Variants in AP5Z1 observed in about 807,000 individuals in gnomAD.
AP5Z1 encodes AP-5 complex subunit zeta-1.
Under a neutral mutation model 83.0 loss-of-function variants are expected in AP5Z1, and 106 were observed. That is an observed-to-expected ratio of 1.28 (90% confidence interval 1.09 to 1.50). The LOEUF (loss-of-function observed/expected upper bound fraction) is 1.50. AP5Z1 is among the 40% of genes most tolerant of loss of function. The pLI is 0.00. For missense variants in AP5Z1, 1,565 were observed against 1,094.2 expected, an observed-to-expected ratio of 1.43 and a Z score of -6.07; for synonymous variants, 751 against 514.1, an observed-to-expected ratio of 1.46 and a Z score of -6.23.
At chr7:4,783,282 C>T in intron 3 of AP5Z1, 34 bp from the exon 4 acceptor site, 2 of 1,563,544 alleles carry the variant, frequency 1.3e-6, no homozygotes, top group Non-Finnish European at 1.7e-6. Context: ...TGGCACAGGC[C>T]AGTACCCCAG....
At position 4,789,846 on chromosome 7, in the gene AP5Z1, C is replaced by T. The variant is rs1583240413; in HGVS notation, c.1722C>T (p.Ser574=). Residue 574 remains serine (S), a synonymous_variant, in exon 14 of 17, where the codon TCC becomes TCT. Transcript: ENST00000649063. Reference sequence around the variant, plus strand: ...CTGACCCCCAGGTGGCTGACGGGTCCCTGATCAACCAGCTGGCGCTGCTGC... The same window carrying T: ...CTGACCCCCAGGTGGCTGACGGGTCTCTGATCAACCAGCTGGCGCTGCTGC... ...FSAVTQVADG[S]LINQLALLLL... 3 of 1,552,324 alleles carry T rather than the reference C, an allele frequency of 1.9e-6. No individual in the cohort carries two copies. In the Admixed American group the frequency reaches 5.8e-5, roughly 30 times the overall value.
intron 1 of AP5Z1, 103 bp from the exon 2 acceptor site, chr7:4,781,072 C>A (rs764342649): frequency 7.4e-5 from 107 of 1,452,736 alleles, no homozygotes; most frequent in Non-Finnish European, 9.9e-5. Context: ...ACACACTCGG[C>A]TTCTCTTTTC....
chr7:4,788,731 G>C (rs1192049706), intron 12 of AP5Z1, 109 bp from the exon 13 acceptor site: 14 of 972,212 alleles, frequency 1.4e-5, no homozygotes, highest in Non-Finnish European at 2.1e-5. Flanking sequence ...CGATGAGTGA[G>C]GATGGGAGCG....
intron 14 of AP5Z1, 61 bp downstream of exon 14, chr7:4,789,990 T>TCCCCCCCCCCCCCCCCCCCCCCCC: frequency 1.4e-6 from 1 of 733,588 alleles, no homozygotes; most frequent in South Asian, 3.7e-5. Context: ...CTCCTCCCCC[T>TCCCCCCCCCCCCCCCCCCCCCCCC]CTCCCCTCCC....
chr7:4,785,045 C>A lies in AP5Z1; in HGVS notation c.928C>A (p.Arg310=). ...YCQRLIEQSN[R]RALRKGDSDL... The stretch of plus-strand genomic sequence containing the variant: ...CCAGCGCCTCATTGAGCAAAGTAAC[C>A]GACGTGAGTCCCCCACCCAGGGCAC... Residue 310 remains arginine, a synonymous_variant, in exon 7 of 17, where the codon CGA becomes AGA. Coordinates refer to ENST00000649063, the MANE Select transcript of AP5Z1 (RefSeq NM_014855.3). The A allele has an allele frequency of 6.3e-7, 1 of 1,596,298 alleles. No individual in the cohort carries two copies. The highest frequency in any genetic ancestry group is 8.6e-7 in the Non-Finnish European group (1 of 1,168,438).
chr7:4,790,526 G>T lies in AP5Z1; in HGVS notation c.1873G>T (p.Asp625Tyr). The change falls in exon 15 of 17, where the codon GAC becomes TAC. Residue 625 changes from aspartate (D) to tyrosine (Y), a missense_variant. By Grantham distance (160) the Asp-to-Tyr change is radical. Transcript: ENST00000649063. ...CTCCCTGGTGGTGGAGCTGGCAAGA[G>T]ACCTGCTGGAGTTCCTGGGCAGCGT... ...KPSLVVELAR[D>Y]LLEFLGSVNG... 2 of 1,613,196 alleles carry T rather than the reference G, an allele frequency of 1.2e-6. No homozygotes were observed. The highest frequency in any genetic ancestry group is 1.7e-6 in the Non-Finnish European group (2 of 1,179,870).
rs749897701 is a variant in AP5Z1 at position 4,783,495 on chromosome 7, T to G, written c.511+35T>G. The G allele has an allele frequency of 5.1e-5, 81 of 1,601,972 alleles. No homozygotes were observed. In the East Asian group the frequency reaches 1.8e-3, roughly 36 times the overall value. ...GCCCCTCCCAAGAGGCTGTTGGGGG[T>G]CTGCCTTCCCAGGTCCTTCCCTGAG... On this transcript the variant is annotated intron_variant, in intron 4 of 16. Transcript: ENST00000649063.
At position 4,775,772 on chromosome 7, in the gene AP5Z1, G is replaced by T; in HGVS notation, c.41+16G>T. On this transcript the variant is annotated intron_variant, in intron 1 of 16. Transcript: ENST00000649063. ...ACCAGGCCAGGTACGGGGGAGCTGC[G>T]GCCCCGGCCCTCCTTCCTGCATCTC... The T allele has an allele frequency of 6.2e-7, 1 of 1,601,890 alleles. No homozygotes were observed.
rs745379886 is a variant in AP5Z1, at chr7:4,791,276, C to T, written c.2315C>T (p.Thr772Met). 22 of 1,612,666 alleles carry T rather than the reference C, an allele frequency of 1.4e-5. No individual in the cohort carries two copies. In the East Asian group the frequency reaches 2.9e-4, roughly 21 times the overall value. ...SVAQFVLTPS[T>M]EVCSPRYHRD... Reference sequence around the variant, plus strand: ...GCCCAGTTTGTGCTCACACCCAGCACGGAGGTGTGCAGCCCCCGCTATCAC... The same window carrying T: ...GCCCAGTTTGTGCTCACACCCAGCATGGAGGTGTGCAGCCCCCGCTATCAC... Residue 772 changes from threonine (T) to methionine (M), a missense_variant, in exon 17 of 17, where the codon ACG (threonine) becomes ATG (methionine). Coordinates refer to ENST00000649063, the MANE Select transcript of AP5Z1 (RefSeq NM_014855.3).
chr7:4,786,514 A>T, intron 10 of AP5Z1, 86 bp downstream of exon 10: 1 of 1,493,640 alleles, frequency 6.7e-7, no homozygotes, highest in South Asian at 1.2e-5. Flanking sequence ...GTTCAGGGCG[A>T]GTCCTGGCTG....
In AP5Z1 at chr7:4,790,671, A is replaced by G; in HGVS notation, c.1939-2A>G. On this transcript the variant is annotated splice_acceptor_variant, in intron 15 of 16. Coordinates refer to ENST00000649063, the MANE Select transcript of AP5Z1 (RefSeq NM_014855.3). LOFTEE classifies it high-confidence loss of function. ...GGGCTGAATCTCTGTCCCCGGGCCT[A>G]GGTGTGGGCCATCGGCGAGTACCTG... 6.2e-7 allele frequency: 1 copy of G among 1,612,126 alleles called. No individual in the cohort carries two copies. The highest frequency in any genetic ancestry group is 8.5e-7 in the Non-Finnish European group (1 of 1,179,650).
intron 14 of AP5Z1, 132 bp from the exon 15 acceptor site, chr7:4,790,327 T>C (rs1362619333): frequency 5.1e-6 from 8 of 1,553,952 alleles, no homozygotes; most frequent in Non-Finnish European, 7.0e-6. Flanking sequence ...CAGTCTTCTG[T>C]GTTCCTCTAT....
chr7:4,779,625 G>T (rs1781326992), intron 1 of AP5Z1, among the ~76,000 whole-genome samples: 1 of 151,336 alleles, frequency 6.6e-6, no homozygotes, highest in South Asian at 2.1e-4. Flanking sequence ...CATGCCCAGT[G>T]AATTTTTTTT....
chr7:4,787,867 C>A (rs138182480), intron 11 of AP5Z1, 91 bp downstream of exon 11: 2 of 1,409,606 alleles, frequency 1.4e-6, no homozygotes, highest in Non-Finnish European at 1.9e-6. Flanking sequence ...ACCCCTACAC[C>A]GGGGACCCTC....
intron 1 of AP5Z1, among the ~76,000 whole-genome samples, chr7:4,778,241 G>C (rs551522873): frequency 9.9e-4 from 151 of 152,296 alleles, no homozygotes; most frequent in Middle Eastern, 3.4e-3. Context: ...AAGCCAAAAA[G>C]ATTTGGAGTG....
At chr7:4,788,818 C>G (rs375214871) in intron 12 of AP5Z1, 22 bp from the exon 13 acceptor site, 5 of 1,575,838 alleles carry the variant, frequency 3.2e-6, no homozygotes, top group Non-Finnish European at 4.3e-6. Flanking sequence ...GGGCAGCACT[C>G]ACGGCCACAC....
At position 4,792,366 on chromosome 7, in the gene AP5Z1, C is replaced by G. The variant is rs1217838246; in HGVS notation, c.*981C>G. 1 of 149,274 alleles carries G rather than the reference C, an allele frequency of 6.7e-6. No homozygotes were observed. The allele number at this position is 149,274 out of a possible 1,614,324, so 9.2% of individuals were successfully genotyped here. On this transcript the variant is annotated 3_prime_UTR_variant, in exon 17 of 17. Transcript: ENST00000649063. Reference sequence around the variant, plus strand: ...TCTTTTGCTCTGGCCCCGCCCACCTCCCCTCCGGCCTCGGCCCCGCCCCCA... The same window carrying G: ...TCTTTTGCTCTGGCCCCGCCCACCTGCCCTCCGGCCTCGGCCCCGCCCCCA...
intron 10 of AP5Z1, 168 bp from the exon 11 acceptor site, chr7:4,787,466 A>G (rs761040269): frequency 9.9e-5 from 102 of 1,033,042 alleles, no homozygotes; most frequent in South Asian, 1.5e-4. Context: ...AGCCTGGGCG[A>G]CAGAGCAAGA....
intron 7 of AP5Z1, 55 bp downstream of exon 7, chr7:4,785,103 CA>C (rs1365778552): frequency 3.9e-6 from 6 of 1,541,544 alleles, no homozygotes; most frequent in African/African-American, 1.4e-5. Context: ...ACCTGCTCTG[CA>C]AGGCCACCTG....
Sources: gnomAD v4.1 joint callset for allele counts (sites outside exome capture counted in the v4.1 genomes callset) on GRCh38, gnomAD v4.1.1 for gene constraint, MANE v1.5 for transcripts, NCBI Gene and HGNC (gene_info 2026-07-23, HGNC 2026-07-21) for gene names.